TTC7A: variants seen among roughly 807,000 people sequenced by gnomAD.
The protein encoded by TTC7A is tetratricopeptide repeat protein 7A.
TTC7A carries 110 observed loss-of-function variants against 103.7 expected under a neutral mutation model. The ratio of observed to expected loss-of-function variants is 1.06; its 90% confidence interval spans 0.91 to 1.24. TTC7A has a LOEUF of 1.24. Among genes scored for constraint, TTC7A ranks in the 50% most tolerant of loss-of-function variants. TTC7A has a pLI of 0.00. For synonymous variants in TTC7A, 521 were observed against 467.9 expected (o/e 1.11, Z -1.47); for missense variants, 1,340 against 1,116.3 (o/e 1.20, Z -2.86).
Position 47,073,971 on chromosome 2 carries a change from G to A in TTC7A, c.*48G>A, listed in dbSNP as rs992962816. On this transcript the variant is annotated 3_prime_UTR_variant, in exon 20 of 20. Coordinates refer to ENST00000319190, the MANE Select transcript of TTC7A (RefSeq NM_020458.4). ...GAGGGGCTGGCCAGAGGGAGAGGCA[G>A]CAGGGAACGTGGGTCAGGGTGGGGC... 1.3e-6 allele frequency: 2 copies of A among 1,530,340 alleles called. No homozygotes were observed. The highest frequency in any genetic ancestry group is 1.8e-5 in the Admixed American group (1 of 56,184). The allele number at this position is 1,530,340 out of a possible 1,614,324, so 94.8% of individuals were successfully genotyped here. A position where few individuals can be genotyped will look rare whatever the true frequency, so the allele number is the denominator to read the frequency against.
intron 15 of TTC7A, among the ~76,000 whole-genome samples, chr2:47,034,906 C>T (rs77510581): frequency 1.6e-4 from 24 of 152,152 alleles, no homozygotes; most frequent in Non-Finnish European, 2.9e-4. Context: ...AGCCAGAGCA[C>T]GTGCCTGTAA....
At chr2:47,001,298 C>T (rs1175613828) in intron 8 of TTC7A, among the ~76,000 whole-genome samples, 1 of 152,156 alleles carries the variant, frequency 6.6e-6, no homozygotes, top group African/African-American at 2.4e-5. Flanking sequence ...CAGGACTAGT[C>T]TTGTATCTTA....
intron 1 of TTC7A, among the ~76,000 whole-genome samples, chr2:46,949,840 C>T (rs1389055131): frequency 6.6e-6 from 1 of 152,112 alleles, no homozygotes. Context: ...CATGCCAGTG[C>T]ACTCCAGCTA....
At chr2:46,984,665 T>G (rs752933441) in intron 5 of TTC7A, among the ~76,000 whole-genome samples, 2 of 152,058 alleles carry the variant, frequency 1.3e-5, no homozygotes, top group African/African-American at 2.4e-5. Flanking sequence ...GAGAGACCAG[T>G]GGCAGTCATG....
At chr2:47,050,182 G>A in intron 17 of TTC7A, 136 bp downstream of exon 17, 1 of 722,034 alleles carries the variant, frequency 1.4e-6, no homozygotes. Context: ...GCCAGCTCGG[G>A]CAACTTCTGG....
At chr2:46,961,171 A>T (rs1672336891) in intron 3 of TTC7A, among the ~76,000 whole-genome samples, 1 of 152,194 alleles carries the variant, frequency 6.6e-6, no homozygotes, top group East Asian at 1.9e-4. Flanking sequence ...TGGAAAGGAA[A>T]TGTTCCCAGC....
chr2:47,012,938 C>T (rs192188647), intron 11 of TTC7A, among the ~76,000 whole-genome samples: 6 of 152,292 alleles, frequency 3.9e-5, no homozygotes, highest in East Asian at 1.9e-4. Flanking sequence ...GGGAGAATTA[C>T]GTGAGATCAG....
chr2:47,069,711 A>G (rs1316097461), intron 19 of TTC7A, among the ~76,000 whole-genome samples: 1 of 152,188 alleles, frequency 6.6e-6, no homozygotes, highest in Non-Finnish European at 1.5e-5. Context: ...CACACCTGAG[A>G]GAATCCGGAA....
intron 15 of TTC7A, among the ~76,000 whole-genome samples, chr2:47,039,449 G>A (rs1681499238): frequency 6.6e-6 from 1 of 152,196 alleles, no homozygotes; most frequent in South Asian, 2.1e-4. Context: ...GGAGGGTGAG[G>A]ATTGGTGCCC....
Position 47,062,574 on chromosome 2 carries a change from G to T in TTC7A, c.2355+1603G>T, listed in dbSNP as rs1683877211. ...TGATTAGGGCAGTGGGAGGGAGGGT[G>T]TGGGCTATATCATTGGGCCTGCAGC... On this transcript the variant is annotated intron_variant, in intron 19 of 19. Transcript: ENST00000319190. Among the ~76,000 whole-genome samples the T allele has an allele frequency of 2.6e-5, 4 of 152,338 alleles. No individual in the cohort carries two copies. In the South Asian group the frequency reaches 8.3e-4, roughly 32 times the overall value.
At chr2:47,061,136 G>C (rs1683748632) in intron 19 of TTC7A, among the ~76,000 whole-genome samples, 165 bp downstream of exon 19, 2 of 152,218 alleles carry the variant, frequency 1.3e-5, no homozygotes, top group South Asian at 4.1e-4. Flanking sequence ...TGTTGGAAGA[G>C]ACAGTTCTTG....
In TTC7A at chr2:46,956,843, A is replaced by C; in HGVS notation, c.353A>C (p.Gln118Pro). Residue 118 changes from glutamine (Q) to proline (P), a missense_variant, in exon 3 of 20, where the codon CAG becomes CCG. Coordinates refer to ENST00000319190, the MANE Select transcript of TTC7A (RefSeq NM_020458.4). ...SILNHGRLSPQYMCEAMLILG... is the reference protein window; with the variant it reads ...SILNHGRLSPPYMCEAMLILG... ...AACATGTCCTTGTCATTTCAGCCAC[A>C]GTACATGTGTGAGGCCATGCTGATC... 4.3e-6 allele frequency: 7 copies of C among 1,614,160 alleles called. No individual in the cohort carries two copies. The highest frequency in any genetic ancestry group is 1.1e-5 in the South Asian group (1 of 91,090).
At chr2:46,915,930 C>A (rs1413498979), upstream of TTC7A, 3 of 985,186 alleles carry the variant, frequency 3.0e-6, no homozygotes, top group East Asian at 1.1e-4. Context: ...CGTGAGTCCA[C>A]GTGTAATCGG....
chr2:46,963,072 C>G (rs1672529758), intron 3 of TTC7A, among the ~76,000 whole-genome samples: 1 of 152,198 alleles, frequency 6.6e-6, no homozygotes, highest in East Asian at 1.9e-4. Flanking sequence ...CAGGCACCCA[C>G]CCCTGGCTCT....
At chr2:47,019,858 C>T (rs1444923945) in intron 11 of TTC7A, among the ~76,000 whole-genome samples, 1 of 152,092 alleles carries the variant, frequency 6.6e-6, no homozygotes, top group Non-Finnish European at 1.5e-5. Context: ...CTCATAATGC[C>T]TGAGATAGTG....
At chr2:46,982,542 TC>T (rs1167335279) in intron 5 of TTC7A, among the ~76,000 whole-genome samples, 1 of 152,234 alleles carries the variant, frequency 6.6e-6, no homozygotes, top group Admixed American at 6.5e-5. Context: ...CATGGGCAAG[TC>T]CCTTGAGCTC....
At position 46,924,470 on chromosome 2, in the gene TTC7A, T is replaced by A. The variant is rs192691510; in HGVS notation, c.82+7193T>A. On this transcript the variant is annotated intron_variant, in intron 2 of 20. Coordinates refer to the TTC7A transcript ENST00000409245. ...TCATATTTGTGAAGAATTTATATTT[T>A]GTATTTGAGTATAATAATATTCTAA... is the stretch of plus-strand genomic sequence containing the variant. 9.2e-5 allele frequency among the ~76,000 whole-genome samples: 14 copies of A among 152,290 alleles called. No individual in the cohort carries two copies. The East Asian group carries it at 2.7e-3, about 29-fold the overall frequency.
In TTC7A at chr2:46,994,427, C is replaced by T; in HGVS notation, c.914C>T (p.Ser305Phe). Residue 305 changes from serine to phenylalanine, a missense_variant, in exon 7 of 20, where the codon TCC (serine) becomes TTC (phenylalanine). Ser to Phe is a radical substitution (Grantham distance 155, BLOSUM62 -2). Coordinates refer to ENST00000319190, the MANE Select transcript of TTC7A (RefSeq NM_020458.4). ...GAGGAGTGCTACTGGAGCCCCCTGTCCCACCCTCTGCCTGAGTTCATGGGC... is the reference window on the plus strand; with the variant it reads ...GAGGAGTGCTACTGGAGCCCCCTGTTCCACCCTCTGCCTGAGTTCATGGGC... Reference protein sequence around the residue: ...LSEECYWSPLSHPLPEFMGKE... With the variant: ...LSEECYWSPLFHPLPEFMGKE... The T allele has an allele frequency of 1.9e-6, 3 of 1,614,086 alleles. No individual in the cohort carries two copies. The highest frequency in any genetic ancestry group is 1.7e-6 in the Non-Finnish European group (2 of 1,179,994).
chr2:46,989,616 ATTT>A (rs59228878), intron 5 of TTC7A, among the ~76,000 whole-genome samples: 22 of 134,436 alleles, frequency 1.6e-4, no homozygotes, highest in South Asian at 4.7e-4. Context: ...GGACCTCTCT[ATTT>A]TTTTTTTTTT....
Sources: allele counts gnomAD v4.1 joint callset (sites outside exome capture counted in the v4.1 genomes callset), GRCh38; gene constraint gnomAD v4.1.1; transcripts MANE v1.5; gene names NCBI Gene and HGNC (gene_info 2026-07-23, HGNC 2026-07-21).